MGAT5: variants seen among roughly 807,000 people sequenced by gnomAD.
MGAT5 encodes the protein alpha-1,6-mannosylglycoprotein 6-beta-N-acetylglucosaminyltransferase, also known as alpha-1,6-mannosylglycoprotein 6-beta-N-acetylglucosaminyltransferase A.
Under a neutral mutation model 94.3 loss-of-function variants are expected in MGAT5, and 30 were observed. The ratio of observed to expected loss-of-function variants is 0.32; its 90% confidence interval spans 0.24 to 0.43. The LOEUF is 0.43. MGAT5 is among the 20% of genes least tolerant of loss of function. MGAT5 has a pLI of 1.00. For synonymous variants in MGAT5, 310 were observed against 322.9 expected (o/e 0.96, Z 0.43); for missense variants, 691 against 905.5 (o/e 0.76, Z 3.04).
At chr2:134,299,397 T>C (rs1404947490) in intron 2 of MGAT5, among the ~76,000 whole-genome samples, 3 of 152,230 alleles carry the variant, frequency 2.0e-5, no homozygotes, top group Non-Finnish European at 4.4e-5. Context: ...TGGAGTACTC[T>C]TGTGAAGTTT....
chr2:134,159,765 T>C (rs1380869630), intron 1 of MGAT5, among the ~76,000 whole-genome samples: 1 of 152,098 alleles, frequency 6.6e-6, no homozygotes, highest in Non-Finnish European at 1.5e-5. Flanking sequence ...GAGGTGGAGG[T>C]TGCAGTGAGT....
chr2:134,280,383 T>C (rs976342577), intron 2 of MGAT5, among the ~76,000 whole-genome samples: 8 of 152,196 alleles, frequency 5.3e-5, no homozygotes, highest in African/African-American at 1.9e-4. Context: ...AATCTGCTTA[T>C]GTCAAGCAGA....
chr2:134,145,438 TG>T (rs1261365369), intron 1 of MGAT5, among the ~76,000 whole-genome samples: 1 of 152,130 alleles, frequency 6.6e-6, no homozygotes, highest in Non-Finnish European at 1.5e-5. Flanking sequence ...CCTACCTACT[TG>T]GGAGGCCGAG....
At chr2:134,313,037 AACACACACACACACACACACACACAC>A (rs201311442) in intron 2 of MGAT5, among the ~76,000 whole-genome samples, 12 of 139,298 alleles carry the variant, frequency 8.6e-5, no homozygotes, top group South Asian at 2.4e-4. Context: ...GCAAGAAATA[AACACACACACACACACACACACACAC>A]ACACACACAC....
chr2:134,156,082 C>A (rs918104708), intron 1 of MGAT5, among the ~76,000 whole-genome samples: 2 of 152,272 alleles, frequency 1.3e-5, no homozygotes, highest in Non-Finnish European at 2.9e-5. Context: ...GGACGTCCAG[C>A]AGCACACAAC....
intron 4 of MGAT5, among the ~76,000 whole-genome samples, chr2:134,321,054 G>A (rs890888869): frequency 2.0e-5 from 3 of 152,160 alleles, no homozygotes; most frequent in Admixed American, 1.3e-4. Context: ...CAGGCTGCTG[G>A]CAAATTGACT....
At chr2:134,311,448 C>G (rs1021756292) in intron 2 of MGAT5, among the ~76,000 whole-genome samples, 4 of 152,040 alleles carry the variant, frequency 2.6e-5, no homozygotes, top group African/African-American at 9.7e-5. Flanking sequence ...GAAAAGTGAG[C>G]CTTAATAAAG....
intron 1 of MGAT5, among the ~76,000 whole-genome samples, chr2:134,152,005 TG>T: frequency 8.8e-6 from 1 of 114,284 alleles, no homozygotes; most frequent in African/African-American, 3.4e-5. Context: ...CACTCACTCA[TG>T]CCCTATGGGA....
chr2:134,213,979 A>G (rs1447952946), intron 1 of MGAT5, among the ~76,000 whole-genome samples: 1 of 152,130 alleles, frequency 6.6e-6, no homozygotes, highest in East Asian at 1.9e-4. Flanking sequence ...TGGGACTGAA[A>G]GTTCCAATCC....
intron 14 of MGAT5, among the ~76,000 whole-genome samples, chr2:134,434,644 A>G (rs1685070785): frequency 6.6e-6 from 1 of 151,062 alleles, no homozygotes; most frequent in African/African-American, 2.4e-5. Context: ...CTATCTGCAA[A>G]GCGCCATGTT....
chr2:134,201,511 C>T (rs1679782695), intron 1 of MGAT5, among the ~76,000 whole-genome samples: 1 of 152,146 alleles, frequency 6.6e-6, no homozygotes, highest in Non-Finnish European at 1.5e-5. Context: ...TTAGATTCCC[C>T]TTCAGCAGTC....
chr2:134,257,778 G>A (rs919349251), intron 1 of MGAT5, among the ~76,000 whole-genome samples: 1 of 151,284 alleles, frequency 6.6e-6, no homozygotes. Context: ...GATTCTCAAT[G>A]GTATAGCTGG....
At position 134,179,775 on chromosome 2, in the gene MGAT5, T is replaced by C. The variant is rs561993317; in HGVS notation, c.-143+59484T>C. 2.0e-5 allele frequency among the ~76,000 whole-genome samples: 3 copies of C among 152,248 alleles called. No individual in the cohort carries two copies. The South Asian group carries it at 6.2e-4, about 31-fold the overall frequency. ...AACTCCATCTTAAATAGGGGCTAAA[T>C]ATGAGAGTGAGACCTGCCGGGCTGC... On this transcript the variant is annotated intron_variant, in intron 1 of 16. Transcript: ENST00000409645.
At chr2:134,334,945 C>T (rs891006848) in intron 4 of MGAT5, among the ~76,000 whole-genome samples, 8 of 152,036 alleles carry the variant, frequency 5.3e-5, no homozygotes, top group African/African-American at 1.7e-4. Context: ...AATTTTATCC[C>T]GTAAGAAGAT....
chr2:134,297,377 G>A (rs377398637), intron 2 of MGAT5, among the ~76,000 whole-genome samples: 6 of 152,190 alleles, frequency 3.9e-5, no homozygotes, highest in African/African-American at 1.4e-4. Context: ...AATATAGAAG[G>A]AGGGAATACC....
chr2:134,379,049 A>G (rs2106191581), intron 10 of MGAT5, among the ~76,000 whole-genome samples: 1 of 151,858 alleles, frequency 6.6e-6, no homozygotes, highest in East Asian at 1.9e-4. Context: ...AGTCCTTTCT[A>G]CTCTAAATCC....
chr2:134,421,970 C>T (rs957744040), intron 12 of MGAT5, among the ~76,000 whole-genome samples: 1 of 151,654 alleles, frequency 6.6e-6, no homozygotes, highest in South Asian at 2.1e-4. Context: ...GAGTTTGAGA[C>T]CCACCTGGGC....
At chr2:134,277,055 T>G (rs1684424608) in intron 2 of MGAT5, among the ~76,000 whole-genome samples, 3 of 152,152 alleles carry the variant, frequency 2.0e-5, no homozygotes, top group Non-Finnish European at 4.4e-5. Flanking sequence ...GAATATCGGT[T>G]TAAAGGCAGT....
intron 1 of MGAT5, among the ~76,000 whole-genome samples, chr2:134,160,171 TTTATTA>T (rs143274643): frequency 2.0e-5 from 3 of 151,850 alleles, no homozygotes; most frequent in African/African-American, 7.3e-5. Flanking sequence ...TTTTAATTTT[TTTATTA>T]TTATTATTGT....
Sources: gnomAD v4.1 joint callset for allele counts (sites outside exome capture counted in the v4.1 genomes callset) on GRCh38, gnomAD v4.1.1 for gene constraint, MANE v1.5 for transcripts, NCBI Gene and HGNC (gene_info 2026-07-23, HGNC 2026-07-21) for gene names.